Variants in GREB1 observed in about 807,000 individuals in gnomAD.
GREB1 encodes protein GREB1.
In GREB1, 106 loss-of-function variants were observed where a neutral mutation model predicts 200.7. The observed-to-expected ratio is 0.53, with a 90% CI of 0.45 to 0.62. The LOEUF is 0.62. Ranked by LOEUF, GREB1 falls within the 20% of genes least tolerant of loss-of-function variation. The pLI is 0.00. For missense variants in GREB1, 2,243 were observed against 2,556.8 expected, an observed-to-expected ratio of 0.88 and a Z score of 2.65; for synonymous variants, 1,132 against 1,092.4, an observed-to-expected ratio of 1.04 and a Z score of -0.72.
In GREB1 at chr2:11,602,500, A is replaced by T; in HGVS notation, c.2624A>T (p.Tyr875Phe). 1 of 1,613,838 alleles carries T rather than the reference A, an allele frequency of 6.2e-7. No individual in the cohort carries two copies. Among genetic ancestry groups the T allele is most frequent in the Non-Finnish European group, 8.5e-7 (1 of 1,179,696 alleles). The change falls in exon 17 of 33, where the codon TAC becomes TTC. Residue 875 changes from tyrosine to phenylalanine, a missense_variant. Tyr to Phe is a conservative substitution (Grantham distance 22). Around this residue, in one of 3 missense-constraint regions of GREB1, gnomAD observed 1,178 missense variants for 1,387.4 expected, o/e 0.85. Transcript: ENST00000381486. ...GGACACAGCCTCCCCTTGCTCAGAT[A>T]CGATAGCTCCTTTGAGGCCATGGTC... ...LSGHSLPLLR[Y>F]DSSFEAMVTA...
chr2:11,511,935 C>T (rs1442713676), intron 1 of GREB1, among the ~76,000 whole-genome samples: 4 of 152,118 alleles, frequency 2.6e-5, no homozygotes, highest in South Asian at 2.1e-4. Flanking sequence ...TACCACCCAC[C>T]GCCCCTTTCC....
chr2:11,498,182 A>G (rs1344236762), intron 1 of GREB1, among the ~76,000 whole-genome samples: 1 of 151,506 alleles, frequency 6.6e-6, no homozygotes, highest in Non-Finnish European at 1.5e-5. Context: ...AAAACTCCTT[A>G]GGCCTAGATC....
intron 9 of GREB1, chr2:11,587,613 G>C (rs1429460113): frequency 6.9e-7 from 1 of 1,448,954 alleles, no homozygotes; most frequent in African/African-American, 1.4e-5. Flanking sequence ...CCCGAGCCCA[G>C]CAGGACATCT....
rs559896779 is a variant in GREB1, at chr2:11,523,079, A to C, written c.-158-33378A>C. The stretch of plus-strand genomic sequence containing the variant: ...AGAATGAGATCATGTCTTTTGCAGG[A>C]ACATGGATAGAGCTGGAGGCCATTA... On this transcript the variant is annotated intron_variant, in intron 1 of 2. Transcript: ENST00000628795. 2.0e-5 allele frequency among the ~76,000 whole-genome samples: 3 copies of C among 152,348 alleles called. No homozygotes were observed. The South Asian group carries it at 6.2e-4, about 32-fold the overall frequency.
At chr2:11,625,383 T>C in intron 24 of GREB1, 71 bp downstream of exon 24, 1 of 1,462,134 alleles carries the variant, frequency 6.8e-7, no homozygotes, top group Non-Finnish European at 9.5e-7. Flanking sequence ...ATGAGCTGGA[T>C]TTTGTTAGGC....
chr2:11,587,823 G>C, intron 9 of GREB1: 1 of 1,053,478 alleles, frequency 9.5e-7, no homozygotes. Context: ...CGGAGACTGA[G>C]GTTTAGGGCA....
chr2:11,567,639 A>C (rs979414907), intron 4 of GREB1, among the ~76,000 whole-genome samples: 1 of 152,164 alleles, frequency 6.6e-6, no homozygotes, highest in Non-Finnish European at 1.5e-5. Flanking sequence ...CGGCACCACT[A>C]GCCTTTGATC....
chr2:11,584,601 G>T (rs574304450), intron 7 of GREB1, among the ~76,000 whole-genome samples: 76 of 152,280 alleles, frequency 5.0e-4, no homozygotes, highest in Non-Finnish European at 9.1e-4. Context: ...TACCTTATTG[G>T]GTCCAAGCTC....
chr2:11,519,449 G>GTTTTTTTTTT (rs70955804), intron 1 of GREB1, among the ~76,000 whole-genome samples: 7 of 76,974 alleles, frequency 9.1e-5, no homozygotes, highest in African/African-American at 2.7e-4. Context: ...ACTTGTTTTG[G>GTTTTTTTTTT]TTTTTTTTTT....
At chr2:11,598,036 A>G (rs1681425799) in intron 14 of GREB1, 58 bp downstream of exon 14, 1 of 1,242,228 alleles carries the variant, frequency 8.1e-7, no homozygotes, top group African/African-American at 1.5e-5. Context: ...GCCGAAATCC[A>G]TGTGTGGGTG....
At chr2:11,531,223 C>T (rs553756999), upstream of GREB1, among the ~76,000 whole-genome samples, 15 of 152,200 alleles carry the variant, frequency 9.9e-5, no homozygotes, top group African/African-American at 1.2e-4. Flanking sequence ...AGTTGCTTGA[C>T]GCATACAAGC....
intron 20 of GREB1, 118 bp from the exon 21 acceptor site, chr2:11,616,513 T>C: frequency 1.4e-6 from 1 of 730,674 alleles, no homozygotes; most frequent in Admixed American, 1.8e-5. Context: ...TGGCAGTGAA[T>C]GAGTAAATGG....
chr2:11,599,612 C>A (rs1279123911), intron 15 of GREB1, among the ~76,000 whole-genome samples: 1 of 151,682 alleles, frequency 6.6e-6, no homozygotes, highest in Admixed American at 6.6e-5. Context: ...ACTCTGCCTC[C>A]CGGGTTCACA....
chr2:11,484,843 T>TTTTG (rs994358279), intron 1 of GREB1, among the ~76,000 whole-genome samples: 3 of 152,208 alleles, frequency 2.0e-5, no homozygotes, highest in Admixed American at 6.5e-5. Flanking sequence ...AAATAGTTTT[T>TTTTG]TTTGTTTGTT....
chr2:11,535,179 C>T (rs1246886571), intron 1 of GREB1, among the ~76,000 whole-genome samples: 1 of 152,166 alleles, frequency 6.6e-6, no homozygotes, highest in Non-Finnish European at 1.5e-5. Flanking sequence ...CTGCTGTGCA[C>T]TCCTCCCAAC....
intron 18 of GREB1, chr2:11,612,193 C>CAAAA (rs59217779): frequency 0.012 from 2,904 of 239,324 alleles, 22 homozygotes; most frequent in South Asian, 0.043. Flanking sequence ...GACTCTGTCT[C>CAAAA]AAAAAAAAAA....
At chr2:11,596,357 AG>A (rs1442148379) in intron 13 of GREB1, 118 bp downstream of exon 13, 1 of 397,450 alleles carries the variant, frequency 2.5e-6, no homozygotes, top group Non-Finnish European at 4.1e-6. Context: ...GTGCACAGTG[AG>A]GGGGCAGGGG....
intron 1 of GREB1, among the ~76,000 whole-genome samples, chr2:11,544,515 C>T (rs570122826): frequency 6.6e-6 from 1 of 152,036 alleles, no homozygotes; most frequent in Non-Finnish European, 1.5e-5. Context: ...TGCGCCCGGC[C>T]GAGCCTTTTA....
chr2:11,495,030 C>T (rs1485888954), intron 1 of GREB1, among the ~76,000 whole-genome samples: 1 of 152,190 alleles, frequency 6.6e-6, no homozygotes, highest in Non-Finnish European at 1.5e-5. Context: ...CATTCTGTGA[C>T]GTTTTGGGAG....
Sources: gnomAD v4.1 joint callset for allele counts (sites outside exome capture counted in the v4.1 genomes callset) on GRCh38, gnomAD v4.1.1 for gene constraint, gnomAD v4.1.1 regional missense constraint, MANE v1.5 for transcripts, NCBI Gene and HGNC (gene_info 2026-07-23, HGNC 2026-07-21) for gene names.